ZNF438: variants seen among roughly 807,000 people sequenced by gnomAD.
The protein encoded by ZNF438 is zinc finger protein 438.
ZNF438 carries 25 observed loss-of-function variants against 38.0 expected under a neutral mutation model. The observed-to-expected ratio is 0.66, with a 90% CI of 0.48 to 0.92. The LOEUF is 0.92. Among genes scored for constraint, ZNF438 ranks in the 40% least tolerant of loss-of-function variants. The probability of loss-of-function intolerance (pLI) is 0.00; values close to 1 mark genes in which losing one functional copy is unlikely to be tolerated. For synonymous variants in ZNF438, 372 were observed against 364.1 expected, an observed-to-expected ratio of 1.02 and a Z score of -0.25; for missense variants, 1,007 against 999.6, an observed-to-expected ratio of 1.01 and a Z score of -0.10.
intron 1 of ZNF438, among the ~76,000 whole-genome samples, chr10:31,010,644 T>A (rs1003636469): frequency 6.6e-6 from 1 of 152,140 alleles, no homozygotes; most frequent in African/African-American, 2.4e-5. Flanking sequence ...TCTAACACTT[T>A]GGGAGACTGA....
rs530242150 is a variant in ZNF438 at position 30,932,509 on chromosome 10, G to C, written c.-115+9066C>G. ...TCCTATAATAACCTTACAGGATTGT[G>C]CCACTATCCCATTGCATAGATGAGA... is the stretch of plus-strand genomic sequence containing the variant. On this transcript the variant is annotated intron_variant, in intron 2 of 5. Transcript: ENST00000413025. Among the ~76,000 whole-genome samples, 34 of 152,280 alleles carry C rather than the reference G, an allele frequency of 2.2e-4. No individual in the cohort carries two copies. The South Asian group carries it at 6.0e-3, about 27-fold the overall frequency.
At chr10:30,883,200 G>T (rs372720070) in intron 3 of ZNF438, among the ~76,000 whole-genome samples, 16 of 152,072 alleles carry the variant, frequency 1.1e-4, no homozygotes, top group African/African-American at 3.9e-4. Context: ...CTCTAAATTG[G>T]CAGAAAAATG....
intron 4 of ZNF438, among the ~76,000 whole-genome samples, chr10:30,861,382 A>G (rs2035555609): frequency 6.6e-6 from 1 of 152,202 alleles, no homozygotes; most frequent in Non-Finnish European, 1.5e-5. Flanking sequence ...GGTTAGTTGA[A>G]TCCATGGATG....
chr10:30,936,842 G>A (rs1199942988), intron 2 of ZNF438, among the ~76,000 whole-genome samples: 4 of 151,802 alleles, frequency 2.6e-5, no homozygotes, highest in African/African-American at 7.3e-5. Flanking sequence ...TTTTTAAAAG[G>A]AGGCAGGTCA....
At chr10:30,870,904 G>A (rs1473149483) in intron 4 of ZNF438, among the ~76,000 whole-genome samples, 5 of 152,150 alleles carry the variant, frequency 3.3e-5, no homozygotes, top group African/African-American at 9.7e-5. Context: ...AGGGACTGAG[G>A]TTTACTTATT....
At chr10:30,935,639 T>G (rs888536787) in intron 2 of ZNF438, among the ~76,000 whole-genome samples, 5 of 152,122 alleles carry the variant, frequency 3.3e-5, no homozygotes, top group African/African-American at 1.2e-4. Context: ...CTCACATTGC[T>G]ATAAAGAAAT....
chr10:30,906,976 TTTTC>T (rs2042645350), intron 3 of ZNF438, among the ~76,000 whole-genome samples: 1 of 152,194 alleles, frequency 6.6e-6, no homozygotes, highest in South Asian at 2.1e-4. Context: ...TGTTGAGAAT[TTTTC>T]TTTGTTAGTT....
At chr10:31,026,032 C>A (rs1051253772) in intron 1 of ZNF438, among the ~76,000 whole-genome samples, 3 of 152,078 alleles carry the variant, frequency 2.0e-5, no homozygotes, top group Non-Finnish European at 2.9e-5. Context: ...AACTGGCTAG[C>A]CATATTGAGA....
chr10:30,946,961 C>T (rs764381822), intron 1 of ZNF438, among the ~76,000 whole-genome samples: 4 of 152,150 alleles, frequency 2.6e-5, no homozygotes, highest in Admixed American at 6.6e-5. Context: ...AAATATTATA[C>T]CACGTCACAT....
rs368717957 is a variant in ZNF438 at position 30,910,394 on chromosome 10, T to C, written c.-114-1379A>G. ...GTTCTCCAGTCTGTGTCCAGAAGAA[T>C]GTGGCAATGACAGAACATCTGTTCC... On this transcript the variant is annotated intron_variant, in intron 2 of 5. Transcript: ENST00000413025. The C allele has an allele frequency of 4.6e-5, 7 of 152,290 alleles. No individual in the cohort carries two copies. In the East Asian group the frequency reaches 1.4e-3, roughly 29 times the overall value. The allele number at this position is 152,290 out of a possible 1,614,324, so 9.4% of individuals were successfully genotyped here. A position where few individuals can be genotyped will look rare whatever the true frequency, so the allele number is the denominator to read the frequency against.
chr10:30,997,555 T>C (rs1355190949), intron 1 of ZNF438, among the ~76,000 whole-genome samples: 1 of 151,030 alleles, frequency 6.6e-6, no homozygotes, highest in African/African-American at 2.4e-5. Flanking sequence ...TCTTCCCTTC[T>C]TTCTGAATAA....
At chr10:30,942,838 G>A (rs538831063) in intron 1 of ZNF438, among the ~76,000 whole-genome samples, 50 of 152,310 alleles carry the variant, frequency 3.3e-4, no homozygotes, top group Admixed American at 1.8e-3. Context: ...CTCCTAAAAG[G>A]TTTATTTTAG....
At chr10:30,932,130 T>A (rs2045760722) in intron 2 of ZNF438, among the ~76,000 whole-genome samples, 1 of 152,170 alleles carries the variant, frequency 6.6e-6, no homozygotes, top group Non-Finnish European at 1.5e-5. Context: ...GTTCTTTGGG[T>A]CTTCAGTTAG....
chr10:31,032,066 C>A (rs976859607), upstream of ZNF438: 5 of 152,380 alleles, frequency 3.3e-5, no homozygotes, highest in African/African-American at 9.6e-5. Flanking sequence ...CTGTGGGCTT[C>A]GCCGACCGGG....
chr10:30,895,687 A>C (rs911701340), intron 3 of ZNF438, among the ~76,000 whole-genome samples: 2 of 152,234 alleles, frequency 1.3e-5, no homozygotes, highest in African/African-American at 4.8e-5. Flanking sequence ...ACTTAAACAG[A>C]GCGAAGCATT....
At chr10:30,969,910 A>C (rs2050555080) in intron 1 of ZNF438, among the ~76,000 whole-genome samples, 2 of 152,174 alleles carry the variant, frequency 1.3e-5, no homozygotes, top group African/African-American at 4.8e-5. Flanking sequence ...GATATTAATA[A>C]TTAATGCTTT....
intron 2 of ZNF438, among the ~76,000 whole-genome samples, chr10:30,934,158 A>AG (rs2045982526): frequency 1.2e-5 from 1 of 83,890 alleles, no homozygotes. Context: ...AAAAAGAAAA[A>AG]GAAAAAAAAA....
intron 2 of ZNF438, chr10:30,919,600 A>T (rs1175345273): frequency 6.6e-6 from 1 of 151,920 alleles, no homozygotes; most frequent in East Asian, 1.9e-4. Flanking sequence ...TTGTCACTGG[A>T]TTCAGACAAT....
At chr10:31,003,110 A>G (rs1271126314) in intron 1 of ZNF438, among the ~76,000 whole-genome samples, 1 of 152,092 alleles carries the variant, frequency 6.6e-6, no homozygotes, top group African/African-American at 2.4e-5. Flanking sequence ...CATTTTTTAG[A>G]TGTCACAATG....
Sources: allele counts gnomAD v4.1 joint callset (sites outside exome capture counted in the v4.1 genomes callset), GRCh38; gene constraint gnomAD v4.1.1; transcripts MANE v1.5; gene names NCBI Gene and HGNC (gene_info 2026-07-23, HGNC 2026-07-21).